TRIM27: variants seen among roughly 807,000 people sequenced by gnomAD.
The protein encoded by TRIM27 is tripartite motif containing 27.
A neutral mutation model predicts 57.6 loss-of-function variants in TRIM27; 12 were observed. The observed-to-expected ratio is 0.21, with a 90% CI of 0.13 to 0.34. TRIM27 has a LOEUF of 0.34. Among genes scored for constraint, TRIM27 ranks in the 10% least tolerant of loss-of-function variants. The probability of loss-of-function intolerance (pLI) is 1.00; values close to 1 mark genes in which losing one functional copy is unlikely to be tolerated. For missense variants in TRIM27, 403 were observed against 656.8 expected (o/e 0.61, Z 4.22); for synonymous variants, 266 against 259.0 (o/e 1.03, Z -0.26).
Position 28,903,769 on chromosome 6 carries a change from C to CGT in TRIM27, c.*300_*301insAC. 2.5e-6 allele frequency: 1 copy of CGT among 400,780 alleles called. No homozygotes were observed. Among genetic ancestry groups the CGT allele is most frequent in the Non-Finnish European group, 4.5e-6 (1 of 224,372 alleles). The allele number at this position is 400,780 out of a possible 1,614,324, so 24.8% of individuals were successfully genotyped here. A position where few individuals can be genotyped will look rare whatever the true frequency, so the allele number is the denominator to read the frequency against. On this transcript the variant is annotated 3_prime_UTR_variant, in exon 8 of 8. Coordinates refer to ENST00000377199, the MANE Select transcript of TRIM27 (RefSeq NM_006510.5). Reference sequence around the variant, plus strand: ...GCTGGAAGTATCTTGAACGGCTCTCCAAATCCAAAGATTATCCATACTCTT... The same window carrying CGT: ...GCTGGAAGTATCTTGAACGGCTCTCCGTAAATCCAAAGATTATCCATACTCTT...
intron 3 of TRIM27, among the ~76,000 whole-genome samples, chr6:28,915,957 C>T (rs1320854976): frequency 2.0e-5 from 3 of 151,988 alleles, no homozygotes; most frequent in East Asian, 3.9e-4. Context: ...CATTCTATTG[C>T]GTAGGCTGGA....
chr6:28,913,616 G>A (rs1314719855), intron 3 of TRIM27, among the ~76,000 whole-genome samples: 1 of 152,054 alleles, frequency 6.6e-6, no homozygotes, highest in Non-Finnish European at 1.5e-5. Context: ...GTATTAAGTT[G>A]AAAATTTTTG....
At chr6:28,916,158 G>A (rs1773585657) in intron 3 of TRIM27, among the ~76,000 whole-genome samples, 3 of 152,016 alleles carry the variant, frequency 2.0e-5, no homozygotes, top group Admixed American at 2.0e-4. Flanking sequence ...CTCGTGATCT[G>A]CCCACCTTGG....
chr6:28,909,189 C>T (rs1581491619), intron 4 of TRIM27, 101 bp from the exon 5 acceptor site: 1 of 625,920 alleles, frequency 1.6e-6, no homozygotes, highest in South Asian at 2.0e-5. Context: ...CCCACCGCAA[C>T]CTCTGCCTCC....
Position 28,907,514 on chromosome 6 carries a change from T to A in TRIM27, c.920-252A>T, listed in dbSNP as rs925597096. The A allele has an allele frequency of 2.2e-5, 15 of 686,722 alleles. No homozygotes were observed. The Admixed American group carries it at 2.5e-4, about 11-fold the overall frequency. 42.5% of individuals were successfully genotyped at this position (686,722 alleles called of 1,614,324 possible). A position where few individuals can be genotyped will look rare whatever the true frequency, so the allele number is the denominator to read the frequency against. Reference sequence around the variant, plus strand: ...TGCCTGAGACTGGTAGAATATGGGATAAAACTGAGCCAAGATCAAGAATTC... The same window carrying A: ...TGCCTGAGACTGGTAGAATATGGGAAAAAACTGAGCCAAGATCAAGAATTC... On this transcript the variant is annotated intron_variant, in intron 6 of 7. Transcript: ENST00000377199.
rs769056112 is a variant in TRIM27 at position 28,904,361 on chromosome 6, A to G, written c.1251T>C (p.Tyr417=). The change falls in exon 8 of 8, where the codon TAT becomes TAC. Residue 417 remains tyrosine (Y), a synonymous_variant. Coordinates refer to ENST00000377199, the MANE Select transcript of TRIM27 (RefSeq NM_006510.5). The surrounding 1 kb of genome is among the most constrained non-coding windows in gnomAD (Gnocchi z 6.1). Reference sequence around the variant, plus strand: ...CAGTCATTGGGGAGGTAAGAGCCCAATATTCTTTCCCATACCACAAAGACA... The same window carrying G: ...CAGTCATTGGGGAGGTAAGAGCCCAGTATTCTTTCCCATACCACAAAGACA... ...WAVSLWYGKE[Y]WALTSPMTAL... The G allele has an allele frequency of 5.0e-6, 8 of 1,612,922 alleles. No individual in the cohort carries two copies. The highest frequency in any genetic ancestry group is 5.1e-6 in the Non-Finnish European group (6 of 1,180,024).
intron 7 of TRIM27, 124 bp downstream of exon 7, chr6:28,907,109 TATC>T: frequency 2.4e-6 from 2 of 831,134 alleles, no homozygotes; most frequent in Non-Finnish European, 3.8e-6. Context: ...GGTTGTTGTG[TATC>T]ATCTTTATAC....
chr6:28,912,827 T>C (rs1421753572), intron 3 of TRIM27, among the ~76,000 whole-genome samples: 1 of 152,202 alleles, frequency 6.6e-6, no homozygotes, highest in Non-Finnish European at 1.5e-5. Flanking sequence ...ATATATATTT[T>C]GGGGGTGCAT....
chr6:28,919,181 T>C (rs1773842716), intron 3 of TRIM27, among the ~76,000 whole-genome samples: 1 of 152,018 alleles, frequency 6.6e-6, no homozygotes, highest in Non-Finnish European at 1.5e-5. Flanking sequence ...TGGCTAATTT[T>C]TGTATTTTTA....
intron 3 of TRIM27, among the ~76,000 whole-genome samples, chr6:28,913,287 T>TATAA (rs1215190908): frequency 1.4e-4 from 20 of 147,016 alleles, no homozygotes; most frequent in Non-Finnish European, 2.8e-4. Context: ...TATATATATA[T>TATAA]AATATACGTA....
chr6:28,923,950 A>G lies in TRIM27; in HGVS notation c.-318T>C, dbSNP rs1021971627. 2.5e-5 allele frequency: 9 copies of G among 359,976 alleles called. No homozygotes were observed. Among genetic ancestry groups the G allele is most frequent in the Non-Finnish European group, 4.5e-5 (9 of 200,936 alleles). The allele number at this position is 359,976 out of a possible 1,614,324, so 22.3% of individuals were successfully genotyped here. ...CCAGGCGGGCAAAGCGCGCAAGACA[A>G]CGTGGCCGCGTCCGAGCGGATGCCG... is the stretch of plus-strand genomic sequence containing the variant. On this transcript the variant is annotated 5_prime_UTR_variant, in exon 1 of 8. Transcript: ENST00000377199.
intron 6 of TRIM27, 96 bp downstream of exon 6, chr6:28,908,712 G>T: frequency 2.6e-6 from 3 of 1,133,546 alleles, no homozygotes; most frequent in South Asian, 1.4e-5. Context: ...GCTGGCCAAT[G>T]GGTATCACCC....
chr6:28,916,552 CA>C (rs141514492), intron 3 of TRIM27, among the ~76,000 whole-genome samples: 365 of 124,834 alleles, frequency 2.9e-3, no homozygotes, highest in Admixed American at 2.5e-3. Flanking sequence ...AACTCTGCCT[CA>C]AAAAAAAAAA....
intron 4 of TRIM27, among the ~76,000 whole-genome samples, chr6:28,909,943 A>C (rs1773055730): frequency 6.6e-6 from 1 of 152,106 alleles, no homozygotes; most frequent in Non-Finnish European, 1.5e-5. Context: ...ATGAGAAGTA[A>C]GACGTATCTC....
At chr6:28,910,340 T>C (rs1773109919) in intron 4 of TRIM27, among the ~76,000 whole-genome samples, 1 of 152,060 alleles carries the variant, frequency 6.6e-6, no homozygotes. Context: ...TACTTTTTTT[T>C]TTCTTTTGAG....
At chr6:28,907,510 G>A (rs749210414) in intron 6 of TRIM27, 3 of 689,954 alleles carry the variant, frequency 4.3e-6, no homozygotes, top group South Asian at 1.5e-5. Flanking sequence ...GGTAGAATAT[G>A]GGATAAAACT....
At chr6:28,914,969 G>T (rs1356333406) in intron 3 of TRIM27, 1 of 151,694 alleles carries the variant, frequency 6.6e-6, no homozygotes, top group Non-Finnish European at 1.5e-5. Context: ...TATGAAGGCT[G>T]CTGATTTCTG....
chr6:28,905,902 C>T (rs1029644258), intron 7 of TRIM27: 1 of 152,214 alleles, frequency 6.6e-6, no homozygotes, highest in African/African-American at 2.4e-5. Context: ...ATCTTGCTAT[C>T]ATCAAGTGTT....
At position 28,923,721 on chromosome 6, in the gene TRIM27, G is replaced by A; in HGVS notation, c.-89C>T. On this transcript the variant is annotated 5_prime_UTR_variant, in exon 1 of 8. Coordinates refer to ENST00000377199, the MANE Select transcript of TRIM27 (RefSeq NM_006510.5). The stretch of plus-strand genomic sequence containing the variant: ...TCTCCGGCGCTCTCTCCGGTTCGCT[G>A]TTCCTGAGAGGCACCGGGCGGACGG... 1 of 1,365,454 alleles carries A rather than the reference G, an allele frequency of 7.3e-7. No individual in the cohort carries two copies. Among genetic ancestry groups the A allele is most frequent in the Non-Finnish European group, 9.7e-7 (1 of 1,031,510 alleles). 84.6% of individuals were successfully genotyped at this position (1,365,454 alleles called of 1,614,324 possible).
Sources: allele counts gnomAD v4.1 joint callset (sites outside exome capture counted in the v4.1 genomes callset), GRCh38; gene constraint gnomAD v4.1.1; non-coding constraint Gnocchi (gnomAD v3.1); transcripts MANE v1.5; gene names NCBI Gene and HGNC (gene_info 2026-07-23, HGNC 2026-07-21).